Variants in GRM7 observed in about 807,000 individuals in gnomAD.
GRM7 encodes glutamate metabotropic receptor 7.
Under a neutral mutation model 84.5 loss-of-function variants are expected in GRM7, and 35 were observed. The observed-to-expected ratio is 0.41, with a 90% confidence interval of 0.32 to 0.55. GRM7 has a LOEUF of 0.55. Ranked by LOEUF, GRM7 falls within the 20% of genes least tolerant of loss-of-function variation. GRM7 has a pLI of 0.19. For synonymous variants in GRM7, 487 were observed against 455.1 expected, an observed-to-expected ratio of 1.07 and a Z score of -0.89; for missense variants, 1,003 against 1,194.6, an observed-to-expected ratio of 0.84 and a Z score of 2.36.
chr3:6,871,984 C>T (rs1695138233), intron 1 of GRM7, among the ~76,000 whole-genome samples: 1 of 151,962 alleles, frequency 6.6e-6, no homozygotes, highest in African/African-American at 2.4e-5. Flanking sequence ...CTCCTTTCCA[C>T]ATCAGAGAAC....
intron 5 of GRM7, among the ~76,000 whole-genome samples, chr3:7,431,058 C>G (rs1456921020): frequency 6.6e-6 from 1 of 152,030 alleles, no homozygotes; most frequent in Non-Finnish European, 1.5e-5. Flanking sequence ...GTGCTTGTTG[C>G]CGTGCTTGGC....
At chr3:7,544,658 T>C (rs112115629) in intron 7 of GRM7, among the ~76,000 whole-genome samples, 50 of 152,342 alleles carry the variant, frequency 3.3e-4, no homozygotes, top group African/African-American at 1.2e-3. Context: ...CCTGTTTTCA[T>C]TGGTTACTGT....
chr3:7,693,681 C>A, intron 9 of GRM7: 1 of 1,524,254 alleles, frequency 6.6e-7, no homozygotes, highest in Non-Finnish European at 8.8e-7. Flanking sequence ...TCTAGTCAAG[C>A]GATTGTCTGA....
intron 1 of GRM7, among the ~76,000 whole-genome samples, chr3:7,082,919 C>T (rs911353592): frequency 3.3e-5 from 5 of 152,026 alleles, no homozygotes; most frequent in South Asian, 2.1e-4. Flanking sequence ...CTTGAATGAA[C>T]GAGGAATTGC....
At chr3:7,057,386 T>C (rs1457414160) in intron 1 of GRM7, among the ~76,000 whole-genome samples, 2 of 151,950 alleles carry the variant, frequency 1.3e-5, no homozygotes, top group African/African-American at 4.8e-5. Flanking sequence ...AGTAATGCAA[T>C]GGTTATCTCT....
chr3:6,951,844 A>C (rs1331383718), intron 1 of GRM7, among the ~76,000 whole-genome samples: 1 of 152,124 alleles, frequency 6.6e-6, no homozygotes, highest in African/African-American at 2.4e-5. Flanking sequence ...TTATTCTCTT[A>C]ATTATTGTGC....
chr3:7,610,822 C>T (rs989648477), intron 8 of GRM7, among the ~76,000 whole-genome samples: 1 of 152,180 alleles, frequency 6.6e-6, no homozygotes, highest in Non-Finnish European at 1.5e-5. Context: ...AGTCATCACA[C>T]TATGCACTGG....
chr3:6,904,438 A>C (rs1559319761), intron 1 of GRM7, among the ~76,000 whole-genome samples: 1 of 152,154 alleles, frequency 6.6e-6, no homozygotes, highest in Non-Finnish European at 1.5e-5. Context: ...GTAGGATACT[A>C]GTTTGTGTCT....
chr3:7,001,956 C>A (rs951302232), intron 1 of GRM7, among the ~76,000 whole-genome samples: 5 of 152,152 alleles, frequency 3.3e-5, no homozygotes, highest in African/African-American at 1.2e-4. Context: ...AAGCCAATTA[C>A]TTAGTGGAGA....
chr3:6,882,791 G>A (rs1345920755), intron 1 of GRM7, among the ~76,000 whole-genome samples: 1 of 152,096 alleles, frequency 6.6e-6, no homozygotes, highest in Non-Finnish European at 1.5e-5. Context: ...AACTTAAATA[G>A]CTCAGCAGCA....
chr3:7,707,738 C>T (rs1041143689), intron 9 of GRM7, among the ~76,000 whole-genome samples: 1 of 152,172 alleles, frequency 6.6e-6, no homozygotes, highest in African/African-American at 2.4e-5. Flanking sequence ...TACTCGCTGT[C>T]TCTGCCACAA....
At chr3:7,130,200 G>A (rs1267276921) in intron 1 of GRM7, among the ~76,000 whole-genome samples, 1 of 152,136 alleles carries the variant, frequency 6.6e-6, no homozygotes, top group East Asian at 1.9e-4. Context: ...CTATGATCAG[G>A]AAGAGAACAC....
intron 4 of GRM7, among the ~76,000 whole-genome samples, chr3:7,361,276 C>G (rs371952667): frequency 6.6e-6 from 1 of 151,988 alleles, no homozygotes; most frequent in Non-Finnish European, 1.5e-5. Flanking sequence ...AGAATTTTAT[C>G]TGTAGTCACC....
chr3:7,500,540 G>T (rs766816533), intron 7 of GRM7, among the ~76,000 whole-genome samples: 1 of 152,212 alleles, frequency 6.6e-6, no homozygotes, highest in Admixed American at 6.5e-5. Flanking sequence ...CTAATGGTTT[G>T]GTTGCCCAGA....
chr3:7,371,913 C>T (rs925825310), intron 4 of GRM7, among the ~76,000 whole-genome samples: 3 of 152,034 alleles, frequency 2.0e-5, no homozygotes, highest in Admixed American at 6.6e-5. Context: ...ACCAGTGTTC[C>T]GGAACAGGGG....
chr3:7,513,330 A>G (rs1228667046), intron 7 of GRM7, among the ~76,000 whole-genome samples: 1 of 152,164 alleles, frequency 6.6e-6, no homozygotes, highest in Non-Finnish European at 1.5e-5. Flanking sequence ...TGTCCTCATT[A>G]TTTAGAAACT....
At chr3:7,671,806 G>A (rs1699929879) in intron 8 of GRM7, among the ~76,000 whole-genome samples, 1 of 151,928 alleles carries the variant, frequency 6.6e-6, no homozygotes, top group South Asian at 2.1e-4. Context: ...CAGGGACTGT[G>A]TTACCTACTC....
At chr3:7,409,974 A>C (rs1032210849) in intron 4 of GRM7, among the ~76,000 whole-genome samples, 1 of 152,084 alleles carries the variant, frequency 6.6e-6, no homozygotes, top group African/African-American at 2.4e-5. Context: ...ATTTCAGTGA[A>C]GTTTTTAGAT....
Position 7,499,446 on chromosome 3 carries a change from T to G in GRM7, c.1515+37724T>G, listed in dbSNP as rs558511411. Among the ~76,000 whole-genome samples the G allele has an allele frequency of 1.3e-4, 20 of 152,304 alleles. No individual in the cohort carries two copies. In the South Asian group the frequency reaches 1.9e-3, roughly 14 times the overall value. On this transcript the variant is annotated intron_variant, in intron 7 of 9. Coordinates refer to ENST00000357716, the MANE Select transcript of GRM7 (RefSeq NM_000844.4). ...AACGCTGTAATCTAGAGATCCCTGA[T>G]AGAGTAACTTCATTTATAATGCTTA...
Sources: gnomAD v4.1 joint callset for allele counts (sites outside exome capture counted in the v4.1 genomes callset) on GRCh38, gnomAD v4.1.1 for gene constraint, MANE v1.5 for transcripts, NCBI Gene and HGNC (gene_info 2026-07-23, HGNC 2026-07-21) for gene names.